The following VWF variants were observed in gnomAD, a reference collection of about 807,000 sequenced individuals.
VWF encodes the protein Factor VIII related antigen.
Under a neutral mutation model 308.6 loss-of-function variants are expected in VWF, and 176 were observed. The observed-to-expected ratio is 0.57, with a 90% CI of 0.50 to 0.65. The LOEUF is 0.65. Among genes scored for constraint, VWF ranks in the 30% least tolerant of loss-of-function variants. The pLI is 0.00. For missense variants in VWF, 3,146 were observed against 3,648.2 expected, an observed-to-expected ratio of 0.86 and a Z score of 3.55; for synonymous variants, 1,385 against 1,443.4, an observed-to-expected ratio of 0.96 and a Z score of 0.92.
rs1159176461 is a variant in VWF, at chr12:6,058,488, C to T, written c.1534-444G>A. Among the ~76,000 whole-genome samples the T allele has an allele frequency of 6.6e-6, 1 of 152,194 alleles. No individual in the cohort carries two copies. The highest frequency in any genetic ancestry group is 2.4e-5 in the African/African-American group (1 of 41,442). ...AGAGTTACGTGCAAACTCAAGGCCC[C>T]TCTATATAGAAAGACTTCGCGTTGG... On this transcript the variant is annotated intron_variant, in intron 13 of 51. Transcript: ENST00000261405. The surrounding 1 kb of genome is among the most constrained non-coding windows in gnomAD (Gnocchi z 4.9).
intron 32 of VWF, 41 bp from the exon 33 acceptor site, chr12:6,012,171 C>T: frequency 6.2e-7 from 1 of 1,611,050 alleles, no homozygotes; most frequent in Non-Finnish European, 8.5e-7. Flanking sequence ...CCATCTTTCA[C>T]CCAGAAATTC....
intron 43 of VWF, among the ~76,000 whole-genome samples, chr12:5,974,002 G>A (rs1251645612): frequency 6.6e-6 from 1 of 152,182 alleles, no homozygotes; most frequent in African/African-American, 2.4e-5. Context: ...GACACGAAGA[G>A]CAGAGAACTA....
intron 38 of VWF, 147 bp downstream of exon 38, chr12:5,991,672 C>T (rs1943744709): frequency 1.2e-6 from 1 of 822,068 alleles, no homozygotes; most frequent in African/African-American, 1.7e-5. Flanking sequence ...AAGGCCATTA[C>T]ACAATACTGC....
intron 47 of VWF, among the ~76,000 whole-genome samples, chr12:5,963,214 C>T (rs1463248650): frequency 6.6e-6 from 1 of 152,098 alleles, no homozygotes; most frequent in Non-Finnish European, 1.5e-5. Flanking sequence ...GAAAATATTT[C>T]ATTAGATACC....
intron 27 of VWF, chr12:6,021,634 A>G (rs1944130109): frequency 2.3e-6 from 1 of 434,018 alleles, no homozygotes; most frequent in Admixed American, 3.7e-5. Context: ...GTTAGGACTT[A>G]AAAACCTATT....
In VWF at chr12:6,016,803, A is replaced by G. The variant is rs1397418200; in HGVS notation, c.5121T>C (p.Phe1707=). 1 of 1,614,072 alleles carries G rather than the reference A, an allele frequency of 6.2e-7. No individual in the cohort carries two copies. Among genetic ancestry groups the G allele is most frequent in the Non-Finnish European group, 8.5e-7 (1 of 1,180,042 alleles). ...DGSSSFPASY[F]DEMKSFAKAF... is the part of the protein sequence containing the mutation. ...CCTTGGCGAAACTCTTCATTTCATC[A>G]AAATAAGAAGCTGGGAAACTGGAGG... Residue 1707 remains phenylalanine, a synonymous_variant, in exon 29 of 52, where the codon TTT becomes TTC. Transcript: ENST00000261405.
chr12:6,021,753 T>C, intron 27 of VWF, 147 bp downstream of exon 27: 1 of 1,032,766 alleles, frequency 9.7e-7, no homozygotes, highest in Non-Finnish European at 1.4e-6. Context: ...CTACATTAAA[T>C]AATGAATTAA....
intron 42 of VWF, among the ~76,000 whole-genome samples, chr12:5,979,278 A>AAATATCAT (rs1444873157): frequency 9.2e-5 from 14 of 152,252 alleles, no homozygotes; most frequent in African/African-American, 3.4e-4. Context: ...TCCAGTTAAT[A>AAATATCAT]AATGCAATCA....
intron 17 of VWF, 45 bp from the exon 18 acceptor site, chr12:6,044,496 T>A (rs779248007): frequency 6.3e-7 from 1 of 1,596,202 alleles, no homozygotes; most frequent in Non-Finnish European, 8.5e-7. Context: ...AAGGAGAGAA[T>A]GGACCTACCT....
intron 10 of VWF, among the ~76,000 whole-genome samples, chr12:6,068,813 CTTCCTTT>C (rs1944749103): frequency 7.9e-6 from 1 of 125,968 alleles, no homozygotes; most frequent in African/African-American, 3.2e-5. Context: ...TTTTCTTTTT[CTTCCTTT>C]TTTTTTTTTT....
At chr12:6,010,692 C>T (rs779233887) in intron 34 of VWF, among the ~76,000 whole-genome samples, 4 of 152,176 alleles carry the variant, frequency 2.6e-5, no homozygotes, top group African/African-American at 9.7e-5. Context: ...GAAATGACAT[C>T]GAGTAATTTC....
chr12:6,095,253 C>T, intron 6 of VWF: 1 of 700,462 alleles, frequency 1.4e-6, no homozygotes, highest in South Asian at 1.6e-5. Context: ...TGAGACACTA[C>T]ACCAAGTCAT....
At chr12:5,952,586 G>A in intron 48 of VWF, 67 bp from the exon 49 acceptor site, 1 of 1,587,692 alleles carries the variant, frequency 6.3e-7, no homozygotes. Context: ...TTCAAACCAT[G>A]AGCTTGACTC....
chr12:6,006,507 G>A (rs1943928472), intron 34 of VWF, among the ~76,000 whole-genome samples: 1 of 152,208 alleles, frequency 6.6e-6, no homozygotes, highest in Non-Finnish European at 1.5e-5. Flanking sequence ...GCCAGGTGCG[G>A]TGGCTCATGT....
Position 6,031,543 on chromosome 12 carries a change from G to A in VWF, c.2721C>T (p.Ile907=). Residue 907 remains isoleucine, a synonymous_variant, in exon 21 of 52, where the codon ATC becomes ATT. Transcript: ENST00000261405. ...GGCTGCATCCCTTATTCCCCACTAG[G>A]ATCCGAAAGGTCCCAGGGTTACTGC... ...YCGSNPGTFR[I]LVGNKGCSHP... is the part of the protein sequence containing the mutation. The A allele has an allele frequency of 4.3e-6, 7 of 1,614,088 alleles. No homozygotes were observed. Among genetic ancestry groups the A allele is most frequent in the Non-Finnish European group, 5.1e-6 (6 of 1,180,010 alleles).
chr12:6,048,446 G>A (rs576958787), intron 16 of VWF, among the ~76,000 whole-genome samples: 7 of 151,912 alleles, frequency 4.6e-5, no homozygotes, highest in East Asian at 1.9e-4. Flanking sequence ...GATTACAGGC[G>A]TGAGCCAACG....
intron 48 of VWF, among the ~76,000 whole-genome samples, chr12:5,953,184 G>A (rs1254287567): frequency 6.6e-6 from 1 of 151,724 alleles, no homozygotes; most frequent in Non-Finnish European, 1.5e-5. Context: ...CCGAGATCGT[G>A]ACATTGCACT....
At chr12:6,000,904 A>G (rs1421748729) in intron 34 of VWF, among the ~76,000 whole-genome samples, 1 of 151,890 alleles carries the variant, frequency 6.6e-6, no homozygotes, top group Non-Finnish European at 1.5e-5. Flanking sequence ...AACTAAAGTG[A>G]GCATTTTTAT....
chr12:5,979,949 G>C (rs1462258503), intron 42 of VWF, among the ~76,000 whole-genome samples: 4 of 149,464 alleles, frequency 2.7e-5, no homozygotes, highest in East Asian at 3.9e-4. Context: ...GCTGAGGTAG[G>C]AGAATGGTGT....
Sources: allele counts gnomAD v4.1 joint callset (sites outside exome capture counted in the v4.1 genomes callset), GRCh38; gene constraint gnomAD v4.1.1; non-coding constraint Gnocchi (gnomAD v3.1); transcripts MANE v1.5; gene names NCBI Gene and HGNC (gene_info 2026-07-23, HGNC 2026-07-21).